The following ACTN2 variants were observed in gnomAD, a reference collection of about 807,000 sequenced individuals.
The protein encoded by ACTN2 is actinin alpha 2.
ACTN2 carries 39 observed loss-of-function variants against 113.8 expected under a neutral mutation model. The observed-to-expected ratio is 0.34, with a 90% CI of 0.27 to 0.45. The LOEUF is 0.45. Ranked by LOEUF, ACTN2 falls within the 20% of genes least tolerant of loss-of-function variation. The pLI is 1.00. For synonymous variants in ACTN2, 429 were observed against 444.1 expected, an observed-to-expected ratio of 0.97 and a Z score of 0.43; for missense variants, 992 against 1,177.9, an observed-to-expected ratio of 0.84 and a Z score of 2.31.
chr1:236,735,347 T>C (rs1040752261), intron 7 of ACTN2, among the ~76,000 whole-genome samples: 1 of 152,110 alleles, frequency 6.6e-6, no homozygotes, highest in Non-Finnish European at 1.5e-5. Flanking sequence ...CAGGTTTCCA[T>C]GTGAAAGCAT....
intron 10 of ACTN2, among the ~76,000 whole-genome samples, chr1:236,739,841 A>C (rs1659014416): frequency 6.6e-6 from 1 of 152,008 alleles, no homozygotes; most frequent in Admixed American, 6.6e-5. Flanking sequence ...CATCTAGATC[A>C]TGTGTCTTCT....
At chr1:236,746,552 T>C (rs1281675824) in intron 12 of ACTN2, among the ~76,000 whole-genome samples, 1 of 151,870 alleles carries the variant, frequency 6.6e-6, no homozygotes, top group Non-Finnish European at 1.5e-5. Flanking sequence ...AAAAAATTTT[T>C]GAAAAGAGCC....
At chr1:236,738,323 G>A (rs1658953409) in intron 9 of ACTN2, among the ~76,000 whole-genome samples, 1 of 152,224 alleles carries the variant, frequency 6.6e-6, no homozygotes, top group African/African-American at 2.4e-5. Flanking sequence ...TTTTAATTTA[G>A]CTGATATTTG....
chr1:236,723,780 T>A (rs1658468568), intron 4 of ACTN2, among the ~76,000 whole-genome samples: 1 of 152,088 alleles, frequency 6.6e-6, no homozygotes. Context: ...TTTAGATAAA[T>A]AATTACAAAA....
chr1:236,706,039 CATCCATT>C (rs1657814698), intron 1 of ACTN2, among the ~76,000 whole-genome samples: 1 of 152,098 alleles, frequency 6.6e-6, no homozygotes, highest in Non-Finnish European at 1.5e-5. Context: ...CTTAAAGTGT[CATCCATT>C]AGCCTGATTC....
At chr1:236,749,557 G>A (rs573142899) in intron 14 of ACTN2, among the ~76,000 whole-genome samples, 7 of 152,160 alleles carry the variant, frequency 4.6e-5, no homozygotes, top group Non-Finnish European at 1.0e-4. Context: ...AGCACTTGGG[G>A]AGGCTGAGGC....
At chr1:236,688,702 G>A (rs899500261) in intron 1 of ACTN2, among the ~76,000 whole-genome samples, 2 of 152,196 alleles carry the variant, frequency 1.3e-5, no homozygotes, top group Non-Finnish European at 2.9e-5. Flanking sequence ...CATTAGGAGA[G>A]ATCTAGAAGA....
intron 3 of ACTN2, 45 bp from the exon 4 acceptor site, chr1:236,720,060 A>C (rs773591750): frequency 1.5e-6 from 2 of 1,355,148 alleles, no homozygotes; most frequent in African/African-American, 1.4e-5. Context: ...AGTTACGTAC[A>C]GACTATGTTA....
chr1:236,757,753 G>A lies in ACTN2; in HGVS notation c.2301+121G>A, dbSNP rs577470699. The A allele has an allele frequency of 1.2e-5, 17 of 1,363,658 alleles. No individual in the cohort carries two copies. In the African/African-American group the frequency reaches 1.9e-4, roughly 15 times the overall value. The allele number at this position is 1,363,658 out of a possible 1,614,324, so 84.5% of individuals were successfully genotyped here. A position where few individuals can be genotyped will look rare whatever the true frequency, so the allele number is the denominator to read the frequency against. ...ACAACATTTACAGGGAAACAGGATA[G>A]TTAATGACAAAAGAAAATAGCCACC... is the stretch of plus-strand genomic sequence containing the variant. On this transcript the variant is annotated intron_variant, in intron 18 of 20. Transcript: ENST00000366578.
At chr1:236,744,090 A>G (rs146422589) in intron 11 of ACTN2, among the ~76,000 whole-genome samples, 40 of 152,316 alleles carry the variant, frequency 2.6e-4, no homozygotes, top group African/African-American at 8.9e-4. Context: ...AGAAATATTT[A>G]TATGGGAAAA....
Position 236,762,603 on chromosome 1 carries a change from G to A in ACTN2, c.2669G>A (p.Gly890Glu). Residue 890 changes from glycine to glutamate, a missense_variant, in exon 21 of 21, where the codon GGG (glycine) becomes GAG (glutamate). By Grantham distance (98) the Gly-to-Glu change is moderately conservative (BLOSUM62 -2). This residue lies in a region of ACTN2 where 736 missense variants were observed against 815.4 expected (regional missense o/e 0.90). Coordinates refer to ENST00000366578, the MANE Select transcript of ACTN2 (RefSeq NM_001103.4). ...GCTGCGTTCTCTTCCGCACTCTACGGGGAGAGCGATCTGTGATGCTGAGCT... is the reference window on the plus strand; with the variant it reads ...GCTGCGTTCTCTTCCGCACTCTACGAGGAGAGCGATCTGTGATGCTGAGCT... ...DYAAFSSALY[G>E]ESDL 1 of 1,614,084 alleles carries A rather than the reference G, an allele frequency of 6.2e-7. No homozygotes were observed. Among genetic ancestry groups the A allele is most frequent in the Non-Finnish European group, 8.5e-7 (1 of 1,180,006 alleles).
chr1:236,758,289 C>A (rs1424782379), intron 18 of ACTN2, among the ~76,000 whole-genome samples: 1 of 136,084 alleles, frequency 7.3e-6, no homozygotes, highest in Non-Finnish European at 1.6e-5. Flanking sequence ...CAATTCTTTT[C>A]TTTTTTTTTT....
intron 1 of ACTN2, among the ~76,000 whole-genome samples, chr1:236,693,556 C>T (rs1338383303): frequency 6.6e-6 from 1 of 152,138 alleles, no homozygotes; most frequent in East Asian, 1.9e-4. Context: ...TCCAGGCGCC[C>T]AAGCCAGAAA....
intron 1 of ACTN2, among the ~76,000 whole-genome samples, chr1:236,695,563 T>TCCACCCCC (rs1657467692): frequency 2.0e-5 from 2 of 100,796 alleles, no homozygotes; most frequent in African/African-American, 4.1e-5. Flanking sequence ...TGAAATGAGT[T>TCCACCCCC]CCCCCCCCCT....
intron 6 of ACTN2, 50 bp from the exon 7 acceptor site, chr1:236,731,183 C>T (rs1658702094): frequency 1.4e-6 from 2 of 1,417,360 alleles, no homozygotes; most frequent in African/African-American, 1.4e-5. Flanking sequence ...CTTCATAAGT[C>T]TTGTTTCAAA....
intron 14 of ACTN2, among the ~76,000 whole-genome samples, chr1:236,750,808 G>T (rs989355115): frequency 6.6e-6 from 1 of 152,120 alleles, no homozygotes; most frequent in African/African-American, 2.4e-5. Context: ...GCATCTAAGG[G>T]CTGAGCATGG....
intron 10 of ACTN2, among the ~76,000 whole-genome samples, chr1:236,741,105 C>G (rs760381635): frequency 6.6e-6 from 1 of 152,126 alleles, no homozygotes; most frequent in Admixed American, 6.5e-5. Flanking sequence ...AGTGCAGTGG[C>G]ACAATCACAG....
At position 236,727,544 on chromosome 1, in the gene ACTN2, A is replaced by G. The variant is rs184506777; in HGVS notation, c.537-134A>G. ...AGTGTTCAAGCTCACCGGGCGGGGTAAAGAGGAAGCTACATGGGGCCCTCC... is the reference window on the plus strand; with the variant it reads ...AGTGTTCAAGCTCACCGGGCGGGGTGAAGAGGAAGCTACATGGGGCCCTCC... On this transcript the variant is annotated intron_variant, in intron 5 of 20. Transcript: ENST00000366578. 2,066 of 844,298 alleles carry G rather than the reference A, an allele frequency of 2.4e-3. 5 individuals carry two copies. Among genetic ancestry groups the G allele is most frequent in the Non-Finnish European group, 3.4e-3 (1,711 of 503,276 alleles). The allele number at this position is 844,298 out of a possible 1,614,324, so 52.3% of individuals were successfully genotyped here. A position where few individuals can be genotyped will look rare whatever the true frequency, so the allele number is the denominator to read the frequency against.
At chr1:236,707,709 C>CTTTTTTTTTTTTTTTTTTTTTTTTTT (rs5781919) in intron 1 of ACTN2, among the ~76,000 whole-genome samples, 1 of 78,754 alleles carries the variant, frequency 1.3e-5, no homozygotes, top group African/African-American at 5.0e-5. Flanking sequence ...TCTTTTTTTT[C>CTTTTTTTTTTTTTTTTTTTTTTTTTT]TTTTTTTTTT....
Sources: allele counts gnomAD v4.1 joint callset (sites outside exome capture counted in the v4.1 genomes callset), GRCh38; gene constraint gnomAD v4.1.1; regional missense constraint gnomAD v4.1.1; transcripts MANE v1.5; gene names NCBI Gene and HGNC (gene_info 2026-07-23, HGNC 2026-07-21).